CDH2: variants seen among roughly 807,000 people sequenced by gnomAD.
CDH2 encodes cadherin-2.
In CDH2, 17 loss-of-function variants were observed where a neutral mutation model predicts 92.0. The observed-to-expected ratio is 0.18, with a 90% CI of 0.13 to 0.28. CDH2 has a LOEUF of 0.28. CDH2 is among the 10% of genes least tolerant of loss of function. The pLI is 1.00. For synonymous variants in CDH2, 419 were observed against 415.9 expected (o/e 1.01, Z -0.09); for missense variants, 862 against 1,133.1 (o/e 0.76, Z 3.44).
chr18:28,023,395 C>T (rs2013461492), intron 2 of CDH2, among the ~76,000 whole-genome samples: 1 of 152,132 alleles, frequency 6.6e-6, no homozygotes, highest in Non-Finnish European at 1.5e-5. Flanking sequence ...GTGATGTTGG[C>T]TCACTGCAAC....
intron 2 of CDH2, among the ~76,000 whole-genome samples, chr18:28,121,593 C>A (rs924260717): frequency 3.9e-5 from 6 of 152,108 alleles, no homozygotes; most frequent in African/African-American, 1.4e-4. Flanking sequence ...TGGATGTCCT[C>A]CCTGTAGCTA....
At position 27,993,645 on chromosome 18, in the gene CDH2, G is replaced by A; in HGVS notation, c.1021-8C>T. 1.2e-6 allele frequency: 2 copies of A among 1,600,372 alleles called. No homozygotes were observed. The highest frequency in any genetic ancestry group is 1.7e-6 in the Non-Finnish European group (2 of 1,169,944). ...CGTATACTGTTGCACTTTCTAAAAA[G>A]ACATAAAGATAAGAACTTAAATGAA... On this transcript the variant is annotated splice_polypyrimidine_tract_variant and splice_region_variant and intron_variant, in intron 7 of 15. Coordinates refer to ENST00000269141, the MANE Select transcript of CDH2 (RefSeq NM_001792.5).
At chr18:28,140,817 T>TA (rs373245616) in intron 2 of CDH2, among the ~76,000 whole-genome samples, 163 of 150,820 alleles carry the variant, frequency 1.1e-3, no homozygotes, top group African/African-American at 3.7e-3. Flanking sequence ...AAAGAAGTCT[T>TA]ACGACTCAAA....
intron 14 of CDH2, among the ~76,000 whole-genome samples, chr18:27,970,091 A>C (rs2011620727): frequency 6.6e-6 from 1 of 152,236 alleles, no homozygotes. Context: ...GAAGCTATGA[A>C]GGAAGTACTG....
chr18:27,939,896 C>T (rs1157953804), intron 6 of CDH2, among the ~76,000 whole-genome samples: 2 of 152,108 alleles, frequency 1.3e-5, no homozygotes, highest in African/African-American at 2.4e-5. Context: ...GGTTGCCTCC[C>T]AAGGCTAAAA....
intron 2 of CDH2, among the ~76,000 whole-genome samples, chr18:28,063,712 A>T (rs561924849): frequency 1.3e-5 from 2 of 152,182 alleles, no homozygotes; most frequent in Non-Finnish European, 2.9e-5. Context: ...TGCAGAGACA[A>T]ATTTTCTTGG....
At chr18:28,059,936 G>A (rs755185186) in intron 2 of CDH2, among the ~76,000 whole-genome samples, 9 of 151,942 alleles carry the variant, frequency 5.9e-5, no homozygotes, top group Non-Finnish European at 1.2e-4. Context: ...TTTCCCCTGC[G>A]ATCTAGATTT....
intron 2 of CDH2, among the ~76,000 whole-genome samples, chr18:28,147,207 C>T (rs575710673): frequency 1.3e-5 from 2 of 152,104 alleles, no homozygotes; most frequent in East Asian, 1.9e-4. Flanking sequence ...TGAGACTTTA[C>T]ATGTTAAATT....
chr18:28,049,431 A>G (rs2014145991), intron 2 of CDH2, among the ~76,000 whole-genome samples: 1 of 152,200 alleles, frequency 6.6e-6, no homozygotes, highest in South Asian at 2.1e-4. Context: ...AGACGAAATG[A>G]ACAGGACAAA....
intron 1 of CDH2, among the ~76,000 whole-genome samples, chr18:28,173,600 T>C (rs1366725733): frequency 6.6e-6 from 1 of 152,122 alleles, no homozygotes; most frequent in Non-Finnish European, 1.5e-5. Context: ...TTATCCATCG[T>C]TTTTCCAAGG....
At chr18:28,065,998 G>A (rs1299074977) in intron 2 of CDH2, among the ~76,000 whole-genome samples, 1 of 152,126 alleles carries the variant, frequency 6.6e-6, no homozygotes, top group African/African-American at 2.4e-5. Context: ...TGGAGCTAGG[G>A]GGATGACAGG....
chr18:27,998,221 G>A (rs1466522703), intron 7 of CDH2, among the ~76,000 whole-genome samples: 1 of 152,144 alleles, frequency 6.6e-6, no homozygotes, highest in Non-Finnish European at 1.5e-5. Flanking sequence ...TTACATGCTG[G>A]CACTGTTCCA....
intron 2 of CDH2, among the ~76,000 whole-genome samples, chr18:28,142,158 G>A (rs929376985): frequency 3.9e-5 from 6 of 151,966 alleles, no homozygotes; most frequent in Non-Finnish European, 7.4e-5. Context: ...CGGCCTGTGC[G>A]ATCTTAAAAG....
chr18:28,133,231 A>G (rs1350979112), intron 2 of CDH2, among the ~76,000 whole-genome samples: 1 of 152,160 alleles, frequency 6.6e-6, no homozygotes, highest in Non-Finnish European at 1.5e-5. Flanking sequence ...CTGAATTTCC[A>G]TATCTGTAAC....
chr18:28,067,733 A>C (rs2014537133), intron 2 of CDH2, among the ~76,000 whole-genome samples: 1 of 152,168 alleles, frequency 6.6e-6, no homozygotes, highest in Non-Finnish European at 1.5e-5. Context: ...CAATCAAGGC[A>C]TATAAAGCAC....
intron 2 of CDH2, among the ~76,000 whole-genome samples, chr18:28,051,100 A>G (rs1255469517): frequency 6.6e-6 from 1 of 152,204 alleles, no homozygotes; most frequent in Non-Finnish European, 1.5e-5. Flanking sequence ...GTAACTATGA[A>G]CATTTTCCTT....
At chr18:28,174,777 G>A (rs2144376753) in intron 1 of CDH2, among the ~76,000 whole-genome samples, 1 of 152,166 alleles carries the variant, frequency 6.6e-6, no homozygotes, top group Admixed American at 6.5e-5. Flanking sequence ...ATGTCTCTTC[G>A]TGTCCTAACT....
intron 1 of CDH2, among the ~76,000 whole-genome samples, chr18:28,155,076 A>G (rs906491787): frequency 2.6e-5 from 4 of 152,172 alleles, no homozygotes; most frequent in African/African-American, 9.7e-5. Flanking sequence ...GCAGTCAACA[A>G]AGCTGAGGCC....
chr18:28,095,495 C>T (rs1239031690), intron 2 of CDH2, among the ~76,000 whole-genome samples: 2 of 151,716 alleles, frequency 1.3e-5, no homozygotes, highest in Non-Finnish European at 2.9e-5. Context: ...AGGATGCATC[C>T]AGAAAAGGGG....
Sources: allele counts gnomAD v4.1 joint callset (sites outside exome capture counted in the v4.1 genomes callset), GRCh38; gene constraint gnomAD v4.1.1; transcripts MANE v1.5; gene names NCBI Gene and HGNC (gene_info 2026-07-23, HGNC 2026-07-21).